The following PATJ variants were observed in gnomAD, a reference collection of about 807,000 sequenced individuals.
The protein encoded by PATJ is PATJ crumbs cell polarity complex component, also known as inaD-like protein.
PATJ carries 190 observed loss-of-function variants against 224.9 expected under a neutral mutation model. That is an observed-to-expected ratio of 0.84 (90% CI 0.75 to 0.95). PATJ has a LOEUF of 0.95. Ranked by LOEUF, PATJ falls within the 40% of genes least tolerant of loss-of-function variation. The probability of loss-of-function intolerance (pLI) is 0.00; values close to 1 mark genes in which losing one functional copy is unlikely to be tolerated. For synonymous variants in PATJ, 769 were observed against 820.3 expected (o/e 0.94, Z 1.07); for missense variants, 2,121 against 2,270.3 (o/e 0.93, Z 1.34).
intron 1 of PATJ, among the ~76,000 whole-genome samples, chr1:61,745,587 T>C (rs566217160): frequency 6.7e-6 from 1 of 149,124 alleles, no homozygotes; most frequent in Non-Finnish European, 1.5e-5. Context: ...ATTATTTTAC[T>C]TTATTTTATT....
At chr1:61,977,881 ACT>A (rs1400416830) in intron 27 of PATJ, among the ~76,000 whole-genome samples, 2 of 144,720 alleles carry the variant, frequency 1.4e-5, no homozygotes, top group Non-Finnish European at 3.0e-5. Context: ...ACATAGTAAG[ACT>A]CAAAAAAAAA....
intron 39 of PATJ, 81 bp from the exon 40 acceptor site, chr1:62,127,891 T>C (rs1243834133): frequency 2.0e-6 from 3 of 1,464,140 alleles, no homozygotes; most frequent in Non-Finnish European, 2.8e-6. Context: ...GGGATTTTGT[T>C]CCAACAGCTA....
At chr1:62,023,650 G>A (rs1647225694) in intron 29 of PATJ, among the ~76,000 whole-genome samples, 1 of 152,194 alleles carries the variant, frequency 6.6e-6, no homozygotes, top group African/African-American at 2.4e-5. Flanking sequence ...CGAAGGATAA[G>A]TAAGCAAAGT....
intron 27 of PATJ, among the ~76,000 whole-genome samples, chr1:61,982,261 G>T (rs1644491799): frequency 6.6e-6 from 1 of 152,012 alleles, no homozygotes; most frequent in African/African-American, 2.4e-5. Flanking sequence ...TTAGGGTATT[G>T]TGTTCTGAAT....
intron 37 of PATJ, among the ~76,000 whole-genome samples, chr1:62,120,340 C>A (rs1664900452): frequency 1.3e-5 from 2 of 151,952 alleles, no homozygotes. Context: ...TATTAAACAA[C>A]TTTCATCATA....
At chr1:61,919,009 A>C (rs1315181432) in intron 26 of PATJ, among the ~76,000 whole-genome samples, 1 of 152,162 alleles carries the variant, frequency 6.6e-6, no homozygotes. Flanking sequence ...ATAATGAAAA[A>C]TAAATTGTAA....
At chr1:61,933,923 C>T (rs77497019) in intron 27 of PATJ, among the ~76,000 whole-genome samples, 6,564 of 151,938 alleles carry the variant, frequency 0.043, 529 homozygotes, top group African/African-American at 0.15. Context: ...CTTTCGCATT[C>T]GTAGTTGTTC....
intron 37 of PATJ, among the ~76,000 whole-genome samples, chr1:62,119,018 C>A (rs962094476): frequency 1.4e-5 from 2 of 147,296 alleles, no homozygotes; most frequent in African/African-American, 2.6e-5. Context: ...AAAAAAAAAA[C>A]CTATCGTCTC....
chr1:61,886,843 T>G (rs1364815880), intron 22 of PATJ, among the ~76,000 whole-genome samples: 2 of 120,622 alleles, frequency 1.7e-5, no homozygotes, highest in African/African-American at 3.0e-5. Flanking sequence ...TAGCCTGTTG[T>G]GATAGCATGC....
intron 24 of PATJ, among the ~76,000 whole-genome samples, chr1:61,906,475 A>G (rs1671874534): frequency 6.6e-6 from 1 of 152,194 alleles, no homozygotes; most frequent in Non-Finnish European, 1.5e-5. Flanking sequence ...GGGGCTATTA[A>G]TGCATAACAA....
intron 39 of PATJ, among the ~76,000 whole-genome samples, chr1:62,124,974 C>A (rs758398395): frequency 6.6e-6 from 1 of 152,022 alleles, no homozygotes; most frequent in Non-Finnish European, 1.5e-5. Flanking sequence ...TACCTGTAAT[C>A]CCAGCATTGT....
At chr1:61,828,931 T>C (rs1275098350) in intron 16 of PATJ, among the ~76,000 whole-genome samples, 2 of 152,126 alleles carry the variant, frequency 1.3e-5, no homozygotes, top group Admixed American at 1.3e-4. Context: ...CTTTGAAAAA[T>C]GGTGATACTT....
chr1:62,150,815 A>AT (rs1290803648), intron 42 of PATJ, among the ~76,000 whole-genome samples: 2 of 103,206 alleles, frequency 1.9e-5, no homozygotes, highest in South Asian at 2.6e-4. Flanking sequence ...CCCTGTGTTT[A>AT]TAAAAAAATG....
rs575463991 is a variant in PATJ at position 62,015,038 on chromosome 1, G to A, written c.3868-2818G>A. The stretch of plus-strand genomic sequence containing the variant: ...ACGTATGCCGGGCGCAGTGGCTCAC[G>A]CCTGTAATCCCAGCACTTTGGGAGT... On this transcript the variant is annotated intron_variant, in intron 28 of 43. Coordinates refer to ENST00000642238, the MANE Select transcript of PATJ (RefSeq NM_001350145.3). Among the ~76,000 whole-genome samples the A allele has an allele frequency of 1.2e-4, 19 of 152,186 alleles. No individual in the cohort carries two copies. In the South Asian group the frequency reaches 2.9e-3, roughly 23 times the overall value.
chr1:61,787,346 T>G (rs2148482491), intron 7 of PATJ, among the ~76,000 whole-genome samples: 1 of 152,346 alleles, frequency 6.6e-6, no homozygotes, highest in East Asian at 1.9e-4. Context: ...CATCTTTCTA[T>G]TCCTCAAACA....
intron 43 of PATJ, among the ~76,000 whole-genome samples, chr1:62,156,355 C>A (rs549645676): frequency 9.4e-4 from 142 of 151,762 alleles, no homozygotes; most frequent in African/African-American, 3.4e-3. Context: ...CATGGTGAAA[C>A]CCTATCTCTA....
chr1:61,952,253 T>TGAGAGGGAGAGA, intron 27 of PATJ: 1 of 475,072 alleles, frequency 2.1e-6, no homozygotes, highest in Non-Finnish European at 3.8e-6. Context: ...GAACAAAATC[T>TGAGAGGGAGAGA]GAGAGAGAGA....
intron 22 of PATJ, among the ~76,000 whole-genome samples, chr1:61,899,000 A>G (rs760647896): frequency 3.3e-4 from 50 of 152,154 alleles, no homozygotes; most frequent in Non-Finnish European, 5.7e-4. Flanking sequence ...GTTCAGTAGT[A>G]CTATACTAAC....
intron 39 of PATJ, among the ~76,000 whole-genome samples, chr1:62,123,429 G>A (rs138171443): frequency 1.3e-4 from 19 of 145,302 alleles, no homozygotes; most frequent in East Asian, 6.4e-4. Context: ...GATTTTTATC[G>A]ATTTCATAGT....
Sources: gnomAD v4.1 joint callset for allele counts (sites outside exome capture counted in the v4.1 genomes callset) on GRCh38, gnomAD v4.1.1 for gene constraint, MANE v1.5 for transcripts, NCBI Gene and HGNC (gene_info 2026-07-23, HGNC 2026-07-21) for gene names.